Variants in COL10A1 observed in about 807,000 individuals in gnomAD.
COL10A1 encodes collagen type X alpha 1 chain.
A neutral mutation model predicts 18.2 loss-of-function variants in COL10A1; 10 were observed. That is an observed-to-expected ratio of 0.55 (90% CI 0.34 to 0.93). The LOEUF (loss-of-function observed/expected upper bound fraction) is 0.93. Among genes scored for constraint, COL10A1 ranks in the 40% least tolerant of loss-of-function variants. The pLI is 0.02. For missense variants in COL10A1, 897 were observed against 853.5 expected (o/e 1.05, Z -0.64); for synonymous variants, 330 against 316.6 (o/e 1.04, Z -0.45).
rs1025790263 is a variant in COL10A1, at chr6:116,119,173, C to T, written c.*900G>A. 5.2e-5 allele frequency: 8 copies of T among 152,734 alleles called. No homozygotes were observed. In the East Asian group the frequency reaches 1.3e-3, roughly 26 times the overall value. 9.5% of individuals were successfully genotyped at this position (152,734 alleles called of 1,614,324 possible). The stretch of plus-strand genomic sequence containing the variant: ...TAAATAATATATCTCCACTTCTAGT[C>T]GAATTTTGAAACCCTCAGTGTAAAT... On this transcript the variant is annotated 3_prime_UTR_variant, in exon 3 of 3. Coordinates refer to ENST00000651968, the MANE Select transcript of COL10A1 (RefSeq NM_000493.4).
At chr6:116,192,366 C>G in the COL10A1 span, among the ~76,000 whole-genome samples, 1 of 151,832 alleles carries the variant, frequency 6.6e-6, no homozygotes, top group Non-Finnish European at 1.5e-5. Flanking sequence ...TGGGTATACT[C>G]GAATATTCTT....
At chr6:116,176,080 C>T in the COL10A1 span, among the ~76,000 whole-genome samples, 36 of 152,264 alleles carry the variant, frequency 2.4e-4, 1 homozygote, top group Middle Eastern at 3.4e-3. Context: ...TCTTCTACTA[C>T]GCTGTAATTG....
the COL10A1 span, among the ~76,000 whole-genome samples, chr6:116,178,088 TGCGC>T: frequency 0.01 from 1,033 of 99,606 alleles, 9 homozygotes; most frequent in Middle Eastern, 0.019. Context: ...TGTGTGTGTG[TGCGC>T]GCGCGCGCGC....
chr6:116,166,345 T>C, the COL10A1 span, among the ~76,000 whole-genome samples: 3 of 152,192 alleles, frequency 2.0e-5, no homozygotes, highest in Non-Finnish European at 2.9e-5. Flanking sequence ...TCCAGATTCC[T>C]CCTAACCAAC....
intron 1 of COL10A1, among the ~76,000 whole-genome samples, chr6:116,156,572 A>G (rs1299860276): frequency 6.6e-6 from 1 of 152,230 alleles, no homozygotes; most frequent in Non-Finnish European, 1.5e-5. Flanking sequence ...TTGCAGATAT[A>G]TGAAAGAAAG....
chr6:116,178,068 TGTGTGTGTGTGTGTGTGTGTGC>T, the COL10A1 span, among the ~76,000 whole-genome samples: 3 of 111,992 alleles, frequency 2.7e-5, no homozygotes, highest in Non-Finnish European at 5.7e-5. Context: ...TGTGTGTGTG[TGTGTGTGTGTGTGTGTGTGTGC>T]GCGCGCGCGC....
At chr6:116,147,158 G>T (rs1305341439) in intron 1 of COL10A1, among the ~76,000 whole-genome samples, 1 of 151,682 alleles carries the variant, frequency 6.6e-6, no homozygotes, top group Middle Eastern at 3.2e-3. Context: ...TGACAAACTG[G>T]GACCAGGCAT....
the COL10A1 span, among the ~76,000 whole-genome samples, chr6:116,189,323 A>T: frequency 6.6e-6 from 1 of 151,880 alleles, no homozygotes; most frequent in South Asian, 2.1e-4. Context: ...GAGGGCTAGT[A>T]AGCTCACAAC....
rs533730412 is a variant in COL10A1 at position 116,120,567 on chromosome 6, C to T, written c.1549G>A (p.Gly517Ser). 3.1e-6 allele frequency: 5 copies of T among 1,606,464 alleles called. No homozygotes were observed. In the South Asian group the frequency reaches 5.6e-5, roughly 18 times the overall value. Reference sequence around the variant, plus strand: ...AAACCCTCAGGCATGACTGCTTGACCTGGTGGGCCTGGAGGCCCAGGGGGC... The same window carrying T: ...AAACCCTCAGGCATGACTGCTTGACTTGGTGGGCCTGGAGGCCCAGGGGGC... Reference protein sequence around the residue: ...PGPPGPPGPPGQAVMPEGFIK... With the variant: ...PGPPGPPGPPSQAVMPEGFIK... Residue 517 changes from glycine to serine, a missense_variant, in exon 3 of 3, where the codon GGT (glycine) becomes AGT (serine). Transcript: ENST00000651968.
chr6:116,206,034 T>C, the COL10A1 span, among the ~76,000 whole-genome samples: 1 of 151,976 alleles, frequency 6.6e-6, no homozygotes, highest in Admixed American at 6.6e-5. Context: ...CCAGTGTTTT[T>C]TCCTGGAAGT....
chr6:116,169,724 C>A, the COL10A1 span, among the ~76,000 whole-genome samples: 1 of 152,068 alleles, frequency 6.6e-6, no homozygotes, highest in Non-Finnish European at 1.5e-5. Context: ...GTTTGAGATA[C>A]CCATGTGATG....
the COL10A1 span, among the ~76,000 whole-genome samples, chr6:116,216,764 T>C: frequency 2.0e-5 from 3 of 152,250 alleles, no homozygotes; most frequent in Non-Finnish European, 2.9e-5. Context: ...ATTTATCTCT[T>C]TTATCCTCCA....
At chr6:116,143,780 CTA>C (rs1330344948) in intron 1 of COL10A1, among the ~76,000 whole-genome samples, 2 of 152,078 alleles carry the variant, frequency 1.3e-5, no homozygotes, top group Non-Finnish European at 2.9e-5. Context: ...ACAAAATTAG[CTA>C]TAGTAATTCA....
intron 1 of COL10A1, among the ~76,000 whole-genome samples, chr6:116,153,742 T>C (rs1182245260): frequency 6.6e-6 from 1 of 152,156 alleles, no homozygotes; most frequent in East Asian, 1.9e-4. Flanking sequence ...CTTACTGGTT[T>C]AGTCATATTC....
At chr6:116,128,284 A>G (rs1285415766), upstream of COL10A1, among the ~76,000 whole-genome samples, 2 of 152,186 alleles carry the variant, frequency 1.3e-5, no homozygotes, top group Non-Finnish European at 2.9e-5. Flanking sequence ...TGTTAGTCAC[A>G]TAAGAAGCAC....
intron 1 of COL10A1, among the ~76,000 whole-genome samples, chr6:116,142,602 T>G (rs575130874): frequency 4.2e-4 from 64 of 152,162 alleles, no homozygotes; most frequent in Non-Finnish European, 7.9e-4. Context: ...TGTTTTTTCC[T>G]TAGAGTCAGG....
chr6:116,148,672 G>A (rs1471147053), intron 1 of COL10A1, among the ~76,000 whole-genome samples: 1 of 152,104 alleles, frequency 6.6e-6, no homozygotes, highest in East Asian at 1.9e-4. Flanking sequence ...ATATAACAAC[G>A]TCATTAATAA....
At chr6:116,214,325 A>G in the COL10A1 span, among the ~76,000 whole-genome samples, 2 of 152,132 alleles carry the variant, frequency 1.3e-5, no homozygotes, top group Admixed American at 1.3e-4. Flanking sequence ...AATAAATTCT[A>G]TTTTACTTAA....
At chr6:116,136,328 C>CT (rs1399491372) in intron 1 of COL10A1, among the ~76,000 whole-genome samples, 2 of 148,594 alleles carry the variant, frequency 1.3e-5, no homozygotes, top group African/African-American at 4.9e-5. Flanking sequence ...AATATGCACA[C>CT]TTTTTTTTTT....
Sources: allele counts gnomAD v4.1 joint callset (sites outside exome capture counted in the v4.1 genomes callset), GRCh38; gene constraint gnomAD v4.1.1; transcripts MANE v1.5; gene names NCBI Gene and HGNC (gene_info 2026-07-23, HGNC 2026-07-21).